The following NEBL variants were observed in gnomAD, a reference collection of about 807,000 sequenced individuals.
NEBL encodes nebulette, also known as LIM and SH3 protein 2.
NEBL carries 122 observed loss-of-function variants against 140.2 expected under a neutral mutation model. The ratio of observed to expected loss-of-function variants is 0.87; its 90% confidence interval spans 0.75 to 1.01. The LOEUF (loss-of-function observed/expected upper bound fraction) is 1.01, where lower values mean the gene tolerates loss of function less well. NEBL is among the 50% of genes least tolerant of loss of function. The pLI, the probability that NEBL is intolerant of heterozygous loss-of-function variation, is 0.00. For missense variants in NEBL, 1,365 were observed against 1,231.3 expected (o/e 1.11, Z -1.62); for synonymous variants, 436 against 398.9 (o/e 1.09, Z -1.11).
intron 2 of NEBL, among the ~76,000 whole-genome samples, chr10:21,128,746 C>T (rs1405041382): frequency 1.3e-5 from 2 of 152,132 alleles, no homozygotes; most frequent in African/African-American, 4.8e-5. Flanking sequence ...TGTTAAAACA[C>T]ATTTTTTAAA....
chr10:20,788,394 AAAAG>A (rs1328159446), intron 26 of NEBL, among the ~76,000 whole-genome samples: 2 of 152,206 alleles, frequency 1.3e-5, no homozygotes, highest in Non-Finnish European at 2.9e-5. Context: ...TTTTTATAAT[AAAAG>A]AAATAAGATT....
At chr10:20,824,293 GT>G (rs1304157022) in intron 18 of NEBL, among the ~76,000 whole-genome samples, 6 of 152,124 alleles carry the variant, frequency 3.9e-5, no homozygotes, top group African/African-American at 1.4e-4. Flanking sequence ...ACCTGGTAAT[GT>G]TTAAAATGAT....
At chr10:20,881,756 G>GAATA (rs1333394857) in intron 4 of NEBL, among the ~76,000 whole-genome samples, 4 of 151,998 alleles carry the variant, frequency 2.6e-5, no homozygotes, top group Non-Finnish European at 5.9e-5. Context: ...TTCAGTGAAT[G>GAATA]AATAAATAAA....
chr10:21,243,298 CTTTTTTT>C (rs34974511), intron 3 of NEBL, among the ~76,000 whole-genome samples: 3 of 122,582 alleles, frequency 2.4e-5, no homozygotes, highest in African/African-American at 9.3e-5. Context: ...ATTGAGCATT[CTTTTTTT>C]TTTTTTTTTT....
At chr10:20,911,627 T>C (rs961894250) in intron 4 of NEBL, among the ~76,000 whole-genome samples, 3 of 152,192 alleles carry the variant, frequency 2.0e-5, no homozygotes, top group African/African-American at 4.8e-5. Flanking sequence ...TTAACTCAAG[T>C]ACATATAAAT....
intron 24 of NEBL, 145 bp downstream of exon 24, chr10:20,812,624 A>T (rs1838271155): frequency 1.0e-6 from 1 of 977,324 alleles, no homozygotes; most frequent in African/African-American, 1.6e-5. Context: ...TACAAAAATA[A>T]TACTTTACCT....
intron 2 of NEBL, among the ~76,000 whole-genome samples, chr10:21,087,162 C>G (rs1836671756): frequency 6.6e-6 from 1 of 152,152 alleles, no homozygotes; most frequent in Admixed American, 6.5e-5. Flanking sequence ...TCCTGGAGAA[C>G]AGGGAAAGTT....
chr10:21,066,600 A>G (rs1287940640), intron 2 of NEBL, among the ~76,000 whole-genome samples: 1 of 152,238 alleles, frequency 6.6e-6, no homozygotes, highest in Admixed American at 6.5e-5. Flanking sequence ...ACAGAGAATC[A>G]TTAATAATGG....
At chr10:21,102,242 A>G (rs1006134834) in intron 2 of NEBL, among the ~76,000 whole-genome samples, 1 of 152,176 alleles carries the variant, frequency 6.6e-6, no homozygotes, top group East Asian at 1.9e-4. Context: ...GAAATTCTCT[A>G]TATCTTCTTT....
chr10:21,144,095 G>A (rs146630552), intron 2 of NEBL, among the ~76,000 whole-genome samples: 263 of 152,354 alleles, frequency 1.7e-3, no homozygotes, highest in African/African-American at 5.7e-3. Context: ...AGAGGCATCT[G>A]CAGCACTGTT....
At chr10:21,241,396 G>A (rs11815918) in intron 3 of NEBL, among the ~76,000 whole-genome samples, 42,892 of 151,916 alleles carry the variant, frequency 0.28, 7,014 homozygotes, top group African/African-American at 0.45. Flanking sequence ...CGTTCCAGGC[G>A]GCGCATCTGT....
chr10:20,836,681 T>C (rs889755042), intron 13 of NEBL, among the ~76,000 whole-genome samples: 1 of 152,146 alleles, frequency 6.6e-6, no homozygotes, highest in East Asian at 1.9e-4. Context: ...CTCCTATTCC[T>C]GTGTGGAACC....
intron 2 of NEBL, among the ~76,000 whole-genome samples, chr10:21,028,235 C>CAAAAAAAAAAAAAAAAAAA (rs1168946872): frequency 6.0e-5 from 4 of 66,212 alleles, no homozygotes; most frequent in Admixed American, 2.0e-4. Context: ...TCAAACATCT[C>CAAAAAAAAAAAAAAAAAAA]AAAAAAAAAA....
chr10:21,203,176 C>G (rs1419288207), intron 3 of NEBL, among the ~76,000 whole-genome samples: 2 of 152,168 alleles, frequency 1.3e-5, no homozygotes, highest in African/African-American at 4.8e-5. Flanking sequence ...TGTTCTCCTG[C>G]AAACAGGATT....
chr10:21,104,424 T>C (rs1837617346), intron 2 of NEBL, among the ~76,000 whole-genome samples: 1 of 152,220 alleles, frequency 6.6e-6, no homozygotes, highest in Non-Finnish European at 1.5e-5. Context: ...CATTTTGTAG[T>C]TTCCAGTGTA....
chr10:21,253,248 G>A (rs913249033), intron 1 of NEBL, among the ~76,000 whole-genome samples: 2 of 152,184 alleles, frequency 1.3e-5, no homozygotes, highest in Non-Finnish European at 2.9e-5. Context: ...TCTTGCCTGG[G>A]CGACAAGAAT....
At chr10:20,895,600 T>C (rs1410161890) in intron 2 of NEBL, among the ~76,000 whole-genome samples, 1 of 152,254 alleles carries the variant, frequency 6.6e-6, no homozygotes, top group African/African-American at 2.4e-5. Context: ...GTTGTCATTG[T>C]CACTTATTAT....
At chr10:21,005,504 A>T (rs77818446) in intron 3 of NEBL, among the ~76,000 whole-genome samples, 1,818 of 144,908 alleles carry the variant, frequency 0.013, 25 homozygotes, top group African/African-American at 0.046. Flanking sequence ...CAAGGTCAAG[A>T]TGGGGGGATC....
intron 2 of NEBL, among the ~76,000 whole-genome samples, chr10:21,164,900 A>AT (rs2132163163): frequency 6.6e-6 from 1 of 152,332 alleles, no homozygotes; most frequent in South Asian, 2.1e-4. Flanking sequence ...CAAAGGTTTA[A>AT]TTTTTTCCAT....
Sources: allele counts gnomAD v4.1 joint callset (sites outside exome capture counted in the v4.1 genomes callset), GRCh38; gene constraint gnomAD v4.1.1; transcripts MANE v1.5; gene names NCBI Gene and HGNC (gene_info 2026-07-23, HGNC 2026-07-21).